The following DLX4 variants were observed in gnomAD, a reference collection of about 807,000 sequenced individuals.
The protein encoded by DLX4 is homeobox protein DLX-4.
DLX4 carries 13 observed loss-of-function variants against 17.1 expected under a neutral mutation model. The observed-to-expected ratio is 0.76, with a 90% CI of 0.49 to 1.21. The LOEUF (loss-of-function observed/expected upper bound fraction) is 1.21, where lower values mean the gene tolerates loss of function less well. DLX4 is among the 50% of genes most tolerant of loss of function. The probability of loss-of-function intolerance (pLI) is 0.00; values close to 1 mark genes in which losing one functional copy is unlikely to be tolerated. For synonymous variants in DLX4, 129 were observed against 140.3 expected (o/e 0.92, Z 0.57); for missense variants, 297 against 301.4 (o/e 0.99, Z 0.11).
chr17:49,970,711 T>G (rs1282752350), intron 1 of DLX4, among the ~76,000 whole-genome samples: 1 of 152,118 alleles, frequency 6.6e-6, no homozygotes, highest in African/African-American at 2.4e-5. Context: ...GCTCACCCCC[T>G]CCTCCTGCAA....
intron 1 of DLX4, 49 bp downstream of exon 1, chr17:49,969,800 T>C (rs1483427607): frequency 2.7e-6 from 4 of 1,482,766 alleles, no homozygotes; most frequent in Non-Finnish European, 3.6e-6. Context: ...TCGGCTCCTG[T>C]GCGCCCCTAA....
chr17:49,969,798 T>C, intron 1 of DLX4, 47 bp downstream of exon 1: 1 of 1,499,588 alleles, frequency 6.7e-7, no homozygotes, highest in Non-Finnish European at 8.9e-7. Flanking sequence ...GTTCGGCTCC[T>C]GTGCGCCCCT....
chr17:49,973,428 G>C lies in DLX4; in HGVS notation c.480+159G>C. ...TAGCTGGCTCTTAGTAAGCCTTGGGGGGAATGTGTTGAAAGGTGTGCATGT... is the reference window on the plus strand; with the variant it reads ...TAGCTGGCTCTTAGTAAGCCTTGGGCGGAATGTGTTGAAAGGTGTGCATGT... On this transcript the variant is annotated intron_variant, in intron 2 of 2. Transcript: ENST00000240306. 3 of 1,227,296 alleles carry C rather than the reference G, an allele frequency of 2.4e-6. 1 individual carries two copies. The highest frequency in any genetic ancestry group is 3.4e-6 in the Non-Finnish European group (3 of 880,790). 76.0% of individuals were successfully genotyped at this position (1,227,296 alleles called of 1,614,324 possible).
intron 1 of DLX4, 64 bp downstream of exon 1, chr17:49,969,815 CT>C: frequency 7.0e-7 from 1 of 1,419,526 alleles, no homozygotes; most frequent in Non-Finnish European, 9.2e-7. Context: ...CCCTAAACTT[CT>C]CCCTCGCCTG....
upstream of DLX4, chr17:49,968,975 A>C: frequency 6.5e-6 from 1 of 153,652 alleles, no homozygotes; most frequent in Non-Finnish European, 1.4e-5. Flanking sequence ...CTGCCATTAT[A>C]ACCGAGGTTC....
chr17:49,973,486 G>T (rs778949467), intron 2 of DLX4: 41 of 969,214 alleles, frequency 4.2e-5, no homozygotes, highest in Non-Finnish European at 5.6e-5. Context: ...GTCAGGAAGA[G>T]GAGGGTAGGT....
At position 49,973,894 on chromosome 17, in the gene DLX4, G is replaced by C. The variant is rs1417822993; in HGVS notation, c.674G>C (p.Trp225Ser). Residue 225 changes from tryptophan to serine, a missense_variant, in exon 3 of 3, where the codon TGG (tryptophan) becomes TCG (serine). Physicochemically the swap from Trp to Ser is radical, Grantham distance 177. Coordinates refer to ENST00000240306, the MANE Select transcript of DLX4 (RefSeq NM_138281.3). ...TSGYGNSFGAWYQHHSSDVLA... is the reference protein window; with the variant it reads ...TSGYGNSFGASYQHHSSDVLA... ...GGCTATGGCAACAGCTTTGGAGCCTGGTATCAGCATCACTCCTCAGATGTC... is the reference window on the plus strand; with the variant it reads ...GGCTATGGCAACAGCTTTGGAGCCTCGTATCAGCATCACTCCTCAGATGTC... 6.2e-7 allele frequency: 1 copy of C among 1,612,796 alleles called. No individual in the cohort carries two copies. Among genetic ancestry groups the C allele is most frequent in the African/African-American group, 1.3e-5 (1 of 74,856 alleles).
Position 49,969,484 on chromosome 17 carries a change from T to C in DLX4, c.16T>C (p.Cys6Arg). 3 of 1,592,990 alleles carry C rather than the reference T, an allele frequency of 1.9e-6. No individual in the cohort carries two copies. The highest frequency in any genetic ancestry group is 2.6e-6 in the Non-Finnish European group (3 of 1,172,412). Residue 6 changes from cysteine (C) to arginine (R), a missense_variant, in exon 1 of 3, where the codon TGC becomes CGC. Transcript: ENST00000240306. The stretch of plus-strand genomic sequence containing the variant: ...CCTGGCCACAATGACCTCTTTGCCC[T>C]GCCCCCTCCCCGGCCGGGACGCCTC... MTSLP[C>R]PLPGRDASKA...
Position 49,972,953 on chromosome 17 carries a change from G to A in DLX4, c.284-120G>A. The A allele has an allele frequency of 6.6e-7, 1 of 1,520,502 alleles. No individual in the cohort carries two copies. Among genetic ancestry groups the A allele is most frequent in the South Asian group, 1.3e-5 (1 of 76,582 alleles). The allele number at this position is 1,520,502 out of a possible 1,614,324, so 94.2% of individuals were successfully genotyped here. On this transcript the variant is annotated intron_variant, in intron 1 of 2. Transcript: ENST00000240306. The surrounding 1 kb of genome is among the most constrained non-coding windows in gnomAD (Gnocchi z 5.4). The stretch of plus-strand genomic sequence containing the variant: ...GGCCAAGGGGGCGATCCTGGTGGCT[G>A]CGCTTTTTGCTATTTGCTGCCGACG...
At chr17:49,971,064 C>T (rs1359694579) in intron 1 of DLX4, among the ~76,000 whole-genome samples, 1 of 152,164 alleles carries the variant, frequency 6.6e-6, no homozygotes, top group Non-Finnish European at 1.5e-5. Context: ...ATCCCTTTGA[C>T]TGTCCTTTAG....
chr17:49,973,969 A>C lies in DLX4; in HGVS notation c.*26A>C. ...ATCTGGGGAAGGGCGGGTCAGGCCC[A>C]CAGCCTTCCTGCAAAGCCCAGGACC... On this transcript the variant is annotated 3_prime_UTR_variant, in exon 3 of 3. Transcript: ENST00000240306. 6.3e-7 allele frequency: 1 copy of C among 1,576,958 alleles called. No homozygotes were observed. The highest frequency in any genetic ancestry group is 8.6e-7 in the Non-Finnish European group (1 of 1,163,728).
rs1905428160 is a variant in DLX4 at position 49,969,575 on chromosome 17, C to T, written c.107C>T (p.Ser36Phe). 6.2e-7 allele frequency: 1 copy of T among 1,613,588 alleles called. No individual in the cohort carries two copies. The change falls in exon 1 of 3, where the codon TCC (serine) becomes TTC (phenylalanine). Residue 36 changes from serine (S) to phenylalanine (F), a missense_variant. By Grantham distance (155) the Ser-to-Phe change is radical. Transcript: ENST00000240306. ...GCGGCTGCCTACCCGCTTGGCTTGT[C>T]CCCTACAACCGCAGCCTCCCCCAAT... ...SVAAAYPLGL[S>F]PTTAASPNLS... is the part of the protein sequence containing the mutation.
intron 1 of DLX4, among the ~76,000 whole-genome samples, chr17:49,970,843 G>A (rs1905480412): frequency 6.6e-6 from 1 of 152,174 alleles, no homozygotes; most frequent in Non-Finnish European, 1.5e-5. Context: ...AACCATCAGA[G>A]CCAGAAGTGA....
rs966349833 is a variant in DLX4, at chr17:49,972,696, G to A, written c.284-377G>A. 6.8e-6 allele frequency: 9 copies of A among 1,319,690 alleles called. No individual in the cohort carries two copies. The highest frequency in any genetic ancestry group is 8.7e-6 in the Non-Finnish European group (9 of 1,034,624). The allele number at this position is 1,319,690 out of a possible 1,614,324, so 81.7% of individuals were successfully genotyped here. On this transcript the variant is annotated intron_variant, in intron 1 of 2. Coordinates refer to ENST00000240306, the MANE Select transcript of DLX4 (RefSeq NM_138281.3). This position sits in a 1 kb window ranked among gnomAD's most constrained non-coding sequence, Gnocchi z 5.4. ...CATCTCTAGGCCTCGGCTCAGCCCTGGACCTAGCCTTTCTGCCCCGCCCTA... is the reference window on the plus strand; with the variant it reads ...CATCTCTAGGCCTCGGCTCAGCCCTAGACCTAGCCTTTCTGCCCCGCCCTA...
At chr17:49,973,425 G>A (rs1905597888) in intron 2 of DLX4, 156 bp downstream of exon 2, 6 of 1,229,926 alleles carry the variant, frequency 4.9e-6, no homozygotes, top group South Asian at 1.4e-5. Context: ...AGTAAGCCTT[G>A]GGGGGAATGT....
In DLX4 at chr17:49,972,833, G is replaced by T; in HGVS notation, c.284-240G>T. 2.1e-6 allele frequency: 3 copies of T among 1,426,456 alleles called. No homozygotes were observed. The highest frequency in any genetic ancestry group is 1.6e-5 in the South Asian group (1 of 63,704). The allele number at this position is 1,426,456 out of a possible 1,614,324, so 88.4% of individuals were successfully genotyped here. On this transcript the variant is annotated intron_variant, in intron 1 of 2. Coordinates refer to ENST00000240306, the MANE Select transcript of DLX4 (RefSeq NM_138281.3). This position sits in a 1 kb window ranked among gnomAD's most constrained non-coding sequence, Gnocchi z 5.4. ...CTTCCTAGGGTCACAGGACCCATAC[G>T]AGTGGGAGCTCCCTGGGAGCAGAAC... is the stretch of plus-strand genomic sequence containing the variant.
chr17:49,969,580 A>G lies in DLX4; in HGVS notation c.112A>G (p.Thr38Ala). Residue 38 changes from threonine (T) to alanine (A), a missense_variant, in exon 1 of 3, where the codon ACA (threonine) becomes GCA (alanine). By Grantham distance (58) the Thr-to-Ala change is moderately conservative. Coordinates refer to ENST00000240306, the MANE Select transcript of DLX4 (RefSeq NM_138281.3). Reference protein sequence around the residue: ...AAAYPLGLSPTTAASPNLSYS... With the variant: ...AAAYPLGLSPATAASPNLSYS... ...TGCCTACCCGCTTGGCTTGTCCCCTACAACCGCAGCCTCCCCCAATTTGTC... is the reference window on the plus strand; with the variant it reads ...TGCCTACCCGCTTGGCTTGTCCCCTGCAACCGCAGCCTCCCCCAATTTGTC... 1.2e-6 allele frequency: 2 copies of G among 1,613,278 alleles called. No homozygotes were observed. Among genetic ancestry groups the G allele is most frequent in the African/African-American group, 1.3e-5 (1 of 74,934 alleles).
chr17:49,970,996 G>A (rs550857416), intron 1 of DLX4, among the ~76,000 whole-genome samples: 139 of 152,306 alleles, frequency 9.1e-4, no homozygotes, highest in African/African-American at 3.1e-3. Context: ...CCTGGGCTGC[G>A]GAGTGTGGCT....
intron 2 of DLX4, 95 bp from the exon 3 acceptor site, chr17:49,973,606 G>T: frequency 7.0e-7 from 1 of 1,436,884 alleles, no homozygotes; most frequent in South Asian, 1.4e-5. Flanking sequence ...GGTCTCCCAG[G>T]ACTGTGCCTG....
Sources: allele counts gnomAD v4.1 joint callset (sites outside exome capture counted in the v4.1 genomes callset), GRCh38; gene constraint gnomAD v4.1.1; non-coding constraint Gnocchi (gnomAD v3.1); transcripts MANE v1.5; gene names NCBI Gene and HGNC (gene_info 2026-07-23, HGNC 2026-07-21).